Variants in RBM26 observed in about 807,000 individuals in gnomAD.
RBM26 encodes RNA binding motif protein 26.
RBM26 carries 30 observed loss-of-function variants against 123.6 expected under a neutral mutation model. The ratio of observed to expected loss-of-function variants is 0.24; its 90% CI spans 0.18 to 0.33. The LOEUF (loss-of-function observed/expected upper bound fraction) is 0.33. RBM26 is among the 10% of genes least tolerant of loss of function. The probability of loss-of-function intolerance (pLI) is 1.00; values close to 1 mark genes in which losing one functional copy is unlikely to be tolerated. For missense variants in RBM26, 947 were observed against 1,203.6 expected, an observed-to-expected ratio of 0.79 and a Z score of 3.15; for synonymous variants, 400 against 404.4, an observed-to-expected ratio of 0.99 and a Z score of 0.13.
chr13:79,396,366 T>C (rs1280750165), intron 1 of RBM26, among the ~76,000 whole-genome samples: 1 of 152,074 alleles, frequency 6.6e-6, no homozygotes, highest in East Asian at 1.9e-4. Flanking sequence ...ACTGAAAAAC[T>C]AATAGCAAAA....
At position 79,334,277 on chromosome 13, in the gene RBM26, T is replaced by C. The variant is rs534139094; in HGVS notation, c.2820+67A>G. ...TAGTAAGTTAAAAAATTCATTTATA[T>C]TAAAACTTAAAAGTAATACTTATAA... On this transcript the variant is annotated intron_variant, in intron 20 of 21. Coordinates refer to ENST00000438737, the MANE Select transcript of RBM26 (RefSeq NM_001366735.2). 124 of 900,188 alleles carry C rather than the reference T, an allele frequency of 1.4e-4. 2 individuals carry two copies. In the South Asian group the frequency reaches 1.5e-3, roughly 11 times the overall value. The allele number at this position is 900,188 out of a possible 1,614,324, so 55.8% of individuals were successfully genotyped here. A position where few individuals can be genotyped will look rare whatever the true frequency, so the allele number is the denominator to read the frequency against.
At chr13:79,392,881 C>T (rs1159052781) in intron 1 of RBM26, among the ~76,000 whole-genome samples, 1 of 151,816 alleles carries the variant, frequency 6.6e-6, no homozygotes, top group African/African-American at 2.4e-5. Flanking sequence ...TGTTTACTCT[C>T]ATTCCTGGTG....
intron 1 of RBM26, among the ~76,000 whole-genome samples, chr13:79,386,996 G>T (rs1470501942): frequency 1.3e-5 from 2 of 152,012 alleles, no homozygotes; most frequent in African/African-American, 4.8e-5. Flanking sequence ...ATGCTGTGTG[G>T]TTATATATGT....
intron 18 of RBM26, among the ~76,000 whole-genome samples, chr13:79,340,175 C>CA (rs1007302109): frequency 8.0e-5 from 12 of 150,240 alleles, no homozygotes; most frequent in African/African-American, 2.9e-4. Flanking sequence ...TTTTTTTCCC[C>CA]AAAAAAAATA....
intron 19 of RBM26, 108 bp downstream of exon 19, chr13:79,336,994 T>C: frequency 2.0e-6 from 2 of 1,005,592 alleles, no homozygotes; most frequent in South Asian, 3.0e-5. Context: ...TTGTTCAGAT[T>C]AACGAGTTGA....
chr13:79,352,885 A>C (rs1343875746), intron 14 of RBM26, among the ~76,000 whole-genome samples: 1 of 152,226 alleles, frequency 6.6e-6, no homozygotes, highest in East Asian at 1.9e-4. Context: ...AGTATCTCTA[A>C]AGAAAACAAA....
chr13:79,359,000 G>A (rs1258779385), intron 10 of RBM26, among the ~76,000 whole-genome samples: 1 of 152,176 alleles, frequency 6.6e-6, no homozygotes, highest in Non-Finnish European at 1.5e-5. Context: ...CAAACAACTA[G>A]AAACTATCCA....
intron 21 of RBM26, 48 bp from the exon 22 acceptor site, chr13:79,320,758 A>G (rs889700242): frequency 1.5e-6 from 2 of 1,371,560 alleles, no homozygotes; most frequent in East Asian, 2.5e-5. Flanking sequence ...AAAAAAAAAG[A>G]AAAGAAAAAA....
intron 1 of RBM26, among the ~76,000 whole-genome samples, chr13:79,397,145 C>G (rs2078641063): frequency 6.6e-6 from 1 of 152,102 alleles, no homozygotes; most frequent in Non-Finnish European, 1.5e-5. Flanking sequence ...TGCACCACTG[C>G]ACTCCAGCCT....
chr13:79,388,674 T>C (rs2077687185), intron 1 of RBM26, among the ~76,000 whole-genome samples: 2 of 152,336 alleles, frequency 1.3e-5, no homozygotes, highest in South Asian at 2.1e-4. Context: ...CATGATTCAA[T>C]TTAGGTAAGT....
intron 9 of RBM26, among the ~76,000 whole-genome samples, chr13:79,363,006 C>T (rs186550796): frequency 1.3e-5 from 2 of 152,218 alleles, no homozygotes; most frequent in Admixed American, 1.3e-4. Context: ...GTTTTGTTGA[C>T]TAGAAATGGA....
At chr13:79,314,896 T>C (rs534945003), downstream of RBM26, 22 of 870,522 alleles carry the variant, frequency 2.5e-5, no homozygotes, top group African/African-American at 3.6e-4. Context: ...GAACATAAAA[T>C]AATAGGATGA....
chr13:79,320,887 A>G (rs1455151011), intron 21 of RBM26, among the ~76,000 whole-genome samples, 177 bp from the exon 22 acceptor site: 1 of 151,326 alleles, frequency 6.6e-6, no homozygotes, highest in Non-Finnish European at 1.5e-5. Context: ...TGGTTTCTCT[A>G]TATGATCTAT....
chr13:79,350,819 C>CT (rs1239801184), intron 14 of RBM26, among the ~76,000 whole-genome samples: 1 of 151,934 alleles, frequency 6.6e-6, no homozygotes, highest in African/African-American at 2.4e-5. Flanking sequence ...AATCACTGCC[C>CT]TGTAAGTATT....
Position 79,323,616 on chromosome 13 carries a change from T to C in RBM26, c.2821-1154A>G, listed in dbSNP as rs79041697. ...AATACCTACTCATAAAACTCATCCT[T>C]ACATTCAGCTAAAAAAAATTCACCT... On this transcript the variant is annotated intron_variant, in intron 20 of 21. Transcript: ENST00000438737. 3.9e-3 allele frequency among the ~76,000 whole-genome samples: 599 copies of C among 151,720 alleles called. 8 individuals carry two copies. Among genetic ancestry groups the C allele is most frequent in the African/African-American group, 0.014 (579 of 41,498 alleles).
intron 16 of RBM26, 87 bp from the exon 17 acceptor site, chr13:79,342,918 A>C: frequency 1.2e-6 from 1 of 810,724 alleles, no homozygotes; most frequent in Non-Finnish European, 1.9e-6. Flanking sequence ...TTTAAAAATA[A>C]ATATTACTAC....
chr13:79,388,450 A>G (rs2077669275), intron 1 of RBM26, among the ~76,000 whole-genome samples: 1 of 152,206 alleles, frequency 6.6e-6, no homozygotes, highest in African/African-American at 2.4e-5. Flanking sequence ...AACCTTCCCC[A>G]CATCTCATAA....
intron 11 of RBM26, among the ~76,000 whole-genome samples, chr13:79,355,733 TGAA>T (rs1487101694): frequency 6.6e-6 from 1 of 152,214 alleles, no homozygotes. Context: ...CCACAGAATC[TGAA>T]GAAGGCAGTA....
chr13:79,395,421 A>C (rs1225428871), intron 1 of RBM26, among the ~76,000 whole-genome samples: 1 of 152,160 alleles, frequency 6.6e-6, no homozygotes, highest in East Asian at 1.9e-4. Context: ...TCTCCTTCGC[A>C]GTCTGGAAAC....
Sources: gnomAD v4.1 joint callset for allele counts (sites outside exome capture counted in the v4.1 genomes callset) on GRCh38, gnomAD v4.1.1 for gene constraint, MANE v1.5 for transcripts, NCBI Gene and HGNC (gene_info 2026-07-23, HGNC 2026-07-21) for gene names.